GDAP2: variants seen among roughly 807,000 people sequenced by gnomAD.
The protein encoded by GDAP2 is ganglioside-induced differentiation-associated protein 2.
Under a neutral mutation model 67.0 loss-of-function variants are expected in GDAP2, and 51 were observed. The observed-to-expected ratio is 0.76, with a 90% CI of 0.61 to 0.96. The LOEUF is 0.96. GDAP2 is among the 40% of genes least tolerant of loss of function. The pLI is 0.00. For missense variants in GDAP2, 547 were observed against 588.3 expected (o/e 0.93, Z 0.73); for synonymous variants, 203 against 207.3 (o/e 0.98, Z 0.18).
intron 4 of GDAP2, among the ~76,000 whole-genome samples, 169 bp downstream of exon 4, chr1:117,912,361 T>C (rs763600089): frequency 6.6e-6 from 1 of 152,156 alleles, no homozygotes; most frequent in Non-Finnish European, 1.5e-5. Context: ...TCCCGCTAAG[T>C]TTGAAAAGAT....
At chr1:117,879,482 A>G (rs1648578297) in intron 12 of GDAP2, among the ~76,000 whole-genome samples, 1 of 152,150 alleles carries the variant, frequency 6.6e-6, no homozygotes, top group Admixed American at 6.5e-5. Flanking sequence ...AATGATGATG[A>G]TGATGATGAT....
At chr1:117,924,658 A>G (rs1050654247) in intron 1 of GDAP2, among the ~76,000 whole-genome samples, 1 of 152,228 alleles carries the variant, frequency 6.6e-6, no homozygotes, top group East Asian at 1.9e-4. Context: ...GATCATTTAT[A>G]TAACAATTTC....
intron 13 of GDAP2, chr1:117,877,668 C>T (rs998377643): frequency 9.8e-7 from 1 of 1,024,746 alleles, no homozygotes; most frequent in South Asian, 4.6e-5. Context: ...ATTCTTCTGG[C>T]TCTGTGTAGA....
intron 11 of GDAP2, among the ~76,000 whole-genome samples, chr1:117,882,694 TA>T (rs1557796237): frequency 2.0e-5 from 3 of 152,100 alleles, no homozygotes; most frequent in Admixed American, 1.3e-4. Flanking sequence ...CAGAGTAAGC[TA>T]AAAAGGTGTC....
intron 13 of GDAP2, chr1:117,877,734 T>G (rs1219817465): frequency 6.9e-6 from 8 of 1,152,744 alleles, no homozygotes; most frequent in Non-Finnish European, 7.5e-6. Context: ...TTAAATATGG[T>G]AGAAAACTTA....
Position 117,869,812 on chromosome 1 carries a change from T to TCC in GDAP2, c.*756_*757insGG, listed in dbSNP as rs1648192404. Reference sequence around the variant, plus strand: ...CTGCTGGAGTCTTGGAAGATGCTCTTAAGAGTACTAATATGTGCGGTCCTT... The same window carrying TCC: ...CTGCTGGAGTCTTGGAAGATGCTCTTCCAAGAGTACTAATATGTGCGGTCCTT... On this transcript the variant is annotated 3_prime_UTR_variant, in exon 14 of 14. Transcript: ENST00000369443. The TCC allele has an allele frequency of 6.6e-6, 1 of 152,442 alleles. No homozygotes were observed. The highest frequency in any genetic ancestry group is 1.5e-5 in the Non-Finnish European group (1 of 68,046). 9.4% of individuals were successfully genotyped at this position (152,442 alleles called of 1,614,324 possible).
At chr1:117,884,565 T>C (rs1415383598) in intron 10 of GDAP2, among the ~76,000 whole-genome samples, 4 of 152,164 alleles carry the variant, frequency 2.6e-5, no homozygotes, top group African/African-American at 9.7e-5. Flanking sequence ...ACAGTATCTT[T>C]CCATTCATTA....
Position 117,868,981 on chromosome 1 carries a change from AATGCACTATAGGGGC to A in GDAP2, c.*1573_*1587del, listed in dbSNP as rs1648166988. The stretch of plus-strand genomic sequence containing the variant: ...ATATGGGAAAATACAGGATGAATTT[AATGCACTATAGGGGC>A]ATTTCCCTATCATAAATGAAGAGAA... On this transcript the variant is annotated 3_prime_UTR_variant, in exon 14 of 14. Coordinates refer to ENST00000369443, the MANE Select transcript of GDAP2 (RefSeq NM_017686.4). 1 of 152,040 alleles carries A rather than the reference AATGCACTATAGGGGC, an allele frequency of 6.6e-6. No individual in the cohort carries two copies. The highest frequency in any genetic ancestry group is 6.6e-5 in the Admixed American group (1 of 15,248). 9.4% of individuals were successfully genotyped at this position (152,040 alleles called of 1,614,324 possible). A position where few individuals can be genotyped will look rare whatever the true frequency, so the allele number is the denominator to read the frequency against.
chr1:117,876,208 T>C (rs1486168951), intron 13 of GDAP2, among the ~76,000 whole-genome samples: 1 of 152,160 alleles, frequency 6.6e-6, no homozygotes, highest in Non-Finnish European at 1.5e-5. Context: ...CTTGTGGTAA[T>C]AAGTAAGTCC....
At chr1:117,884,252 GA>G (rs1250830659) in intron 10 of GDAP2, among the ~76,000 whole-genome samples, 2 of 152,094 alleles carry the variant, frequency 1.3e-5, no homozygotes, top group African/African-American at 2.4e-5. Context: ...CTAGAGCTCT[GA>G]AAGATTCAAA....
At chr1:117,910,496 T>TA (rs1347538399) in intron 5 of GDAP2, among the ~76,000 whole-genome samples, 1 of 152,166 alleles carries the variant, frequency 6.6e-6, no homozygotes, top group Non-Finnish European at 1.5e-5. Context: ...TATTGGTTTT[T>TA]AAAATAGGTT....
At position 117,912,608 on chromosome 1, in the gene GDAP2, G is replaced by A; in HGVS notation, c.392C>T (p.Pro131Leu). 3 of 1,613,522 alleles carry A rather than the reference G, an allele frequency of 1.9e-6. No individual in the cohort carries two copies. Among genetic ancestry groups the A allele is most frequent in the Non-Finnish European group, 2.5e-6 (3 of 1,179,500 alleles). Residue 131 changes from proline to leucine, a missense_variant, in exon 4 of 14, where the codon CCT becomes CTT. Coordinates refer to ENST00000369443, the MANE Select transcript of GDAP2 (RefSeq NM_017686.4). ...TGTGCGATAGCGGCTTTTATATTTA[G>A]GTCCCACTGTGTGAATGATGAACCG... ...AARFIIHTVG[P>L]KYKSRYRTAA... is the part of the protein sequence containing the mutation.
chr1:117,880,997 A>T (rs17037722), intron 12 of GDAP2, among the ~76,000 whole-genome samples: 3,707 of 152,264 alleles, frequency 0.024, 150 homozygotes, highest in African/African-American at 0.083. Context: ...CAATGATAAG[A>T]ACAGCTAGCA....
chr1:117,926,131 G>T (rs1368636920), intron 1 of GDAP2, among the ~76,000 whole-genome samples: 1 of 152,018 alleles, frequency 6.6e-6, no homozygotes, highest in Admixed American at 6.6e-5. Flanking sequence ...GACTTTTTAA[G>T]AGTAATTTGT....
chr1:117,913,405 T>TC (rs1231838618), intron 3 of GDAP2: 4 of 151,754 alleles, frequency 2.6e-5, no homozygotes, highest in African/African-American at 7.3e-5. Flanking sequence ...GTGATGATTT[T>TC]TTTTTTTTTT....
At chr1:117,924,150 G>C (rs930482676) in intron 1 of GDAP2, among the ~76,000 whole-genome samples, 4 of 152,072 alleles carry the variant, frequency 2.6e-5, no homozygotes, top group African/African-American at 9.7e-5. Context: ...TAACTTTTAG[G>C]TTCAGAGGTA....
At position 117,912,538 on chromosome 1, in the gene GDAP2, T is replaced by A. The variant is rs370923029; in HGVS notation, c.462A>T (p.Gln154His). The A allele has an allele frequency of 8.7e-6, 14 of 1,613,170 alleles. No homozygotes were observed. The highest frequency in any genetic ancestry group is 1.2e-5 in the Non-Finnish European group (14 of 1,179,336). ...SLYSCYRNVL[Q>H]LAKEQSMSSV... ...AAATGAGTAGACCATACTTTGCTAG[T>A]TGAAGTACGTTTCTGTAGCAGCTAT... is the stretch of plus-strand genomic sequence containing the variant. The change falls in exon 4 of 14, where the codon CAA (glutamine) becomes CAT (histidine). Residue 154 changes from glutamine to histidine, a missense_variant. Transcript: ENST00000369443.
At chr1:117,911,595 A>C (rs1056900419) in intron 5 of GDAP2, among the ~76,000 whole-genome samples, 1 of 152,164 alleles carries the variant, frequency 6.6e-6, no homozygotes, top group African/African-American at 2.4e-5. Context: ...AAATTAAAAA[A>C]ATTAATAGGC....
At position 117,868,644 on chromosome 1, in the gene GDAP2, T is replaced by C. The variant is rs1189330731; in HGVS notation, c.*1925A>G. The C allele has an allele frequency of 6.6e-6, 1 of 152,160 alleles. No homozygotes were observed. The highest frequency in any genetic ancestry group is 2.4e-5 in the African/African-American group (1 of 41,446). 9.4% of individuals were successfully genotyped at this position (152,160 alleles called of 1,614,324 possible). On this transcript the variant is annotated 3_prime_UTR_variant, in exon 14 of 14. Transcript: ENST00000369443. The stretch of plus-strand genomic sequence containing the variant: ...ACAAAGAAAAGTTGGCAGACTTTCA[T>C]AGCTGCTCCTTGTGAAGAAGATACC...
Sources: gnomAD v4.1 joint callset for allele counts (sites outside exome capture counted in the v4.1 genomes callset) on GRCh38, gnomAD v4.1.1 for gene constraint, MANE v1.5 for transcripts, NCBI Gene and HGNC (gene_info 2026-07-23, HGNC 2026-07-21) for gene names.